RGS7: variants seen among roughly 807,000 people sequenced by gnomAD.
The protein encoded by RGS7 is regulator of G-protein signaling 7.
RGS7 carries 27 observed loss-of-function variants against 81.1 expected under a neutral mutation model. The observed-to-expected ratio is 0.33, with a 90% CI of 0.25 to 0.46. The LOEUF is 0.46. Among genes scored for constraint, RGS7 ranks in the 20% least tolerant of loss-of-function variants. The pLI, the probability that RGS7 is intolerant of heterozygous loss-of-function variation, is 1.00. For missense variants in RGS7, 396 were observed against 607.4 expected (o/e 0.65, Z 3.66); for synonymous variants, 208 against 207.7 (o/e 1.00, Z -0.01).
intron 2 of RGS7, among the ~76,000 whole-genome samples, chr1:241,293,582 A>C (rs994504671): frequency 6.6e-6 from 1 of 152,196 alleles, no homozygotes; most frequent in Non-Finnish European, 1.5e-5. Context: ...TTTAATAAAA[A>C]AAGTTTTTAA....
At chr1:241,100,374 CAAAAA>C (rs753787286) in intron 2 of RGS7, among the ~76,000 whole-genome samples, 24 of 80,492 alleles carry the variant, frequency 3.0e-4, no homozygotes, top group Middle Eastern at 7.7e-3. Context: ...GACTCCATTT[CAAAAA>C]AAAAAAAAAA....
chr1:241,033,233 C>A (rs545639704), intron 3 of RGS7, among the ~76,000 whole-genome samples: 1 of 152,078 alleles, frequency 6.6e-6, no homozygotes, highest in Non-Finnish European at 1.5e-5. Flanking sequence ...CACCTGTGGT[C>A]CCACCTACCC....
chr1:241,045,533 T>C (rs947725504), intron 3 of RGS7, among the ~76,000 whole-genome samples: 3 of 152,046 alleles, frequency 2.0e-5, no homozygotes, highest in Admixed American at 6.6e-5. Context: ...CAGGCTAATT[T>C]TTGTATTTTT....
chr1:240,865,161 A>C (rs1488511756), intron 9 of RGS7, among the ~76,000 whole-genome samples: 1 of 152,228 alleles, frequency 6.6e-6, no homozygotes, highest in Non-Finnish European at 1.5e-5. Context: ...GCTGAATCTT[A>C]GAAAGGGCAA....
chr1:240,807,058 C>T (rs1688973128), intron 14 of RGS7, among the ~76,000 whole-genome samples: 1 of 152,048 alleles, frequency 6.6e-6, no homozygotes, highest in Admixed American at 6.6e-5. Flanking sequence ...AATTCAGAAG[C>T]CACGGAATAA....
intron 3 of RGS7, among the ~76,000 whole-genome samples, chr1:241,010,636 A>C (rs917888970): frequency 2.0e-5 from 3 of 152,274 alleles, no homozygotes; most frequent in Non-Finnish European, 4.4e-5. Context: ...GATCAAAAGC[A>C]TAACTTCTCA....
chr1:241,098,601 A>G, intron 3 of RGS7, 65 bp downstream of exon 3: 1 of 1,045,862 alleles, frequency 9.6e-7, no homozygotes, highest in Non-Finnish European at 1.5e-6. Context: ...AACAGCTGGA[A>G]TCAGTTTTAA....
intron 2 of RGS7, among the ~76,000 whole-genome samples, chr1:241,248,482 G>A (rs978232828): frequency 9.9e-5 from 15 of 151,000 alleles, no homozygotes; most frequent in South Asian, 4.2e-4. Context: ...TTTAATGTAA[G>A]TATTGATATG....
chr1:241,088,003 C>CATATATATATAT (rs2063570427), intron 3 of RGS7, among the ~76,000 whole-genome samples: 2 of 98,058 alleles, frequency 2.0e-5, no homozygotes, highest in African/African-American at 1.2e-4. Context: ...TATACACACA[C>CATATATATATAT]ACACATATAT....
At chr1:241,354,406 T>C (rs920836722) in intron 2 of RGS7, among the ~76,000 whole-genome samples, 58 of 152,338 alleles carry the variant, frequency 3.8e-4, no homozygotes, top group African/African-American at 1.3e-3. Flanking sequence ...CTGATTTATC[T>C]TTCCCATCAT....
chr1:240,818,410 T>C (rs1691199684), intron 10 of RGS7, among the ~76,000 whole-genome samples: 1 of 152,092 alleles, frequency 6.6e-6, no homozygotes, highest in African/African-American at 2.4e-5. Flanking sequence ...GGGAGCAGTA[T>C]TATGAAACAA....
intron 4 of RGS7, among the ~76,000 whole-genome samples, chr1:240,963,111 G>T (rs1681730628): frequency 1.3e-5 from 2 of 152,146 alleles, no homozygotes; most frequent in Non-Finnish European, 2.9e-5. Flanking sequence ...AGTTCCTAGT[G>T]AGATGTGTTG....
At chr1:240,791,229 G>A (rs2103010686) in intron 18 of RGS7, among the ~76,000 whole-genome samples, 1 of 152,260 alleles carries the variant, frequency 6.6e-6, no homozygotes. Flanking sequence ...GGAATAAGTG[G>A]TGTATTTAGG....
chr1:241,218,624 G>C (rs910487773), intron 2 of RGS7, among the ~76,000 whole-genome samples: 2 of 152,090 alleles, frequency 1.3e-5, no homozygotes, highest in Non-Finnish European at 2.9e-5. Flanking sequence ...ACTTAAGTGG[G>C]GGGGTCCCAG....
chr1:240,907,057 T>G (rs957001378), intron 6 of RGS7, among the ~76,000 whole-genome samples: 1 of 152,198 alleles, frequency 6.6e-6, no homozygotes, highest in African/African-American at 2.4e-5. Context: ...GGCTTGGTGA[T>G]TCCTGTAGAT....
At chr1:240,940,588 C>T (rs898387897) in intron 4 of RGS7, among the ~76,000 whole-genome samples, 12 of 152,062 alleles carry the variant, frequency 7.9e-5, no homozygotes, top group South Asian at 2.1e-4. Flanking sequence ...AATTAAGTTA[C>T]GGCACATAAG....
chr1:241,109,225 T>G (rs1396340816), intron 2 of RGS7, among the ~76,000 whole-genome samples: 2 of 152,106 alleles, frequency 1.3e-5, no homozygotes, highest in African/African-American at 4.8e-5. Flanking sequence ...TGCCTCACCT[T>G]CTCACATACA....
chr1:241,089,073 A>C (rs1159263686), intron 3 of RGS7, among the ~76,000 whole-genome samples: 1,461 of 65,670 alleles, frequency 0.022, 18 homozygotes, highest in East Asian at 0.058. Flanking sequence ...CTATATATAT[A>C]TATATATATA....
intron 2 of RGS7, among the ~76,000 whole-genome samples, chr1:241,185,902 C>A (rs1282528267): frequency 6.6e-6 from 1 of 151,966 alleles, no homozygotes; most frequent in African/African-American, 2.4e-5. Flanking sequence ...AAGTTTCCAT[C>A]TTAATAAACT....
Sources: allele counts gnomAD v4.1 joint callset (sites outside exome capture counted in the v4.1 genomes callset), GRCh38; gene constraint gnomAD v4.1.1; transcripts MANE v1.5; gene names NCBI Gene and HGNC (gene_info 2026-07-23, HGNC 2026-07-21).